DNAJC7: variants seen among roughly 807,000 people sequenced by gnomAD.
DNAJC7 encodes the protein DnaJ heat shock protein family (Hsp40) member C7, also known as dnaJ homolog subfamily C member 7.
DNAJC7 carries 18 observed loss-of-function variants against 67.4 expected under a neutral mutation model. That is an observed-to-expected ratio of 0.27 (90% CI 0.18 to 0.40). The LOEUF is 0.40. DNAJC7 is among the 10% of genes least tolerant of loss of function. The probability of loss-of-function intolerance (pLI) is 1.00; values close to 1 mark genes in which losing one functional copy is unlikely to be tolerated. For synonymous variants in DNAJC7, 220 were observed against 207.8 expected, an observed-to-expected ratio of 1.06 and a Z score of -0.50; for missense variants, 419 against 613.8, an observed-to-expected ratio of 0.68 and a Z score of 3.35.
intron 2 of DNAJC7, among the ~76,000 whole-genome samples, chr17:41,998,799 C>A (rs2051727427): frequency 6.6e-6 from 1 of 152,156 alleles, no homozygotes; most frequent in Admixed American, 6.5e-5. Flanking sequence ...TTGACAATGA[C>A]TGAAATGTAT....
intron 5 of DNAJC7, among the ~76,000 whole-genome samples, chr17:41,992,258 T>G (rs2051528597): frequency 6.6e-6 from 1 of 152,168 alleles, no homozygotes; most frequent in Non-Finnish European, 1.5e-5. Flanking sequence ...CTGCAACCTC[T>G]GCCTCCCGGG....
chr17:42,005,033 A>C (rs2051909672), intron 1 of DNAJC7, among the ~76,000 whole-genome samples: 1 of 152,190 alleles, frequency 6.6e-6, no homozygotes, highest in South Asian at 2.1e-4. Context: ...AAAAAAACAA[A>C]ACCACCCACC....
At chr17:41,999,031 A>T (rs1049225302) in intron 2 of DNAJC7, among the ~76,000 whole-genome samples, 13 of 152,058 alleles carry the variant, frequency 8.5e-5, no homozygotes, top group Non-Finnish European at 1.9e-4. Context: ...ATTTTAAAAA[A>T]TTTAAAGAGT....
intron 9 of DNAJC7, among the ~76,000 whole-genome samples, chr17:41,987,071 TG>T (rs1219030414): frequency 2.0e-5 from 3 of 152,100 alleles, no homozygotes; most frequent in African/African-American, 7.2e-5. Flanking sequence ...TCAGAAGAGA[TG>T]GATTTCTGAG....
chr17:41,977,281 G>A lies in DNAJC7; in HGVS notation c.1427C>T (p.Pro476Leu). The A allele has an allele frequency of 6.3e-7, 1 of 1,584,892 alleles. No homozygotes were observed. The highest frequency in any genetic ancestry group is 8.6e-7 in the Non-Finnish European group (1 of 1,165,662). The change falls in exon 13 of 14, where the codon CCT becomes CTT. Residue 476 changes from proline (P) to leucine (L), a missense_variant. Around this residue, in one of 4 missense-constraint regions of DNAJC7, gnomAD observed 161 missense variants for 252.2 expected, o/e 0.64. Transcript: ENST00000457167. The part of the protein sequence containing the change: ...NNIFKAFFGG[P>L]GGFSFEASGP... ...CCTACCTTCAAAGCTGAAGCCGCCA[G>A]GACCGCCAAAGAATGCCTTGAAGAT...
intron 12 of DNAJC7, among the ~76,000 whole-genome samples, chr17:41,979,433 AG>A (rs1289050543): frequency 6.6e-6 from 1 of 152,040 alleles, no homozygotes; most frequent in African/African-American, 2.4e-5. Context: ...GCACTTTGGG[AG>A]GCCAAGGCCA....
chr17:42,017,126 C>A, intron 1 of DNAJC7: 3 of 1,467,882 alleles, frequency 2.0e-6, no homozygotes, highest in Non-Finnish European at 2.7e-6. Flanking sequence ...CAAGGCCATG[C>A]CTCAGCTCCT....
At chr17:41,995,416 A>T (rs1241116233) in intron 4 of DNAJC7, among the ~76,000 whole-genome samples, 2 of 152,218 alleles carry the variant, frequency 1.3e-5, no homozygotes, top group Non-Finnish European at 2.9e-5. Context: ...ATTCTCACTG[A>T]AATGCATCTA....
At chr17:42,012,388 C>A (rs1048258658) in intron 1 of DNAJC7, among the ~76,000 whole-genome samples, 1 of 152,184 alleles carries the variant, frequency 6.6e-6, no homozygotes, top group Non-Finnish European at 1.5e-5. Context: ...GAGGCTGAGG[C>A]AGGAGAATCA....
intron 4 of DNAJC7, among the ~76,000 whole-genome samples, chr17:41,996,063 T>G (rs1435203650): frequency 6.6e-6 from 1 of 152,228 alleles, no homozygotes; most frequent in Non-Finnish European, 1.5e-5. Flanking sequence ...CTGGAAGCAT[T>G]TGCCTATTCC....
intron 12 of DNAJC7, among the ~76,000 whole-genome samples, chr17:41,980,652 C>T (rs1218548850): frequency 2.0e-5 from 3 of 151,032 alleles, no homozygotes; most frequent in Admixed American, 2.0e-4. Flanking sequence ...CCCGCCTTGG[C>T]TTCCCAAAGT....
intron 5 of DNAJC7, among the ~76,000 whole-genome samples, chr17:41,993,209 C>T (rs1406648540): frequency 6.6e-6 from 1 of 152,198 alleles, no homozygotes; most frequent in Admixed American, 6.5e-5. Context: ...CCTGTAATCC[C>T]AGCACTTTGG....
At chr17:42,007,476 T>C (rs2051997256) in intron 1 of DNAJC7, among the ~76,000 whole-genome samples, 1 of 152,158 alleles carries the variant, frequency 6.6e-6, no homozygotes, top group Non-Finnish European at 1.5e-5. Context: ...GGAGCCTAAC[T>C]TCTATTCCAT....
At chr17:42,015,170 G>C (rs972306527) in intron 1 of DNAJC7, 1 of 151,810 alleles carries the variant, frequency 6.6e-6, no homozygotes, top group Non-Finnish European at 1.5e-5. Context: ...AGTAGAGACA[G>C]GGTTCTGCCA....
intron 9 of DNAJC7, among the ~76,000 whole-genome samples, chr17:41,983,918 A>G (rs2051311724): frequency 6.6e-6 from 1 of 152,264 alleles, no homozygotes; most frequent in Non-Finnish European, 1.5e-5. Flanking sequence ...ACACACAGCC[A>G]CCTAAGAGGT....
At chr17:41,977,421 T>C in intron 12 of DNAJC7, 98 bp from the exon 13 acceptor site, 1 of 1,123,864 alleles carries the variant, frequency 8.9e-7, no homozygotes, top group Non-Finnish European at 1.3e-6. Flanking sequence ...CTCCAAAGCT[T>C]TCCTGGAGAG....
In DNAJC7 at chr17:41,996,294, C is replaced by A; in HGVS notation, c.405+17G>T. ...ACCATACTGCCTCTTTTGACAGAAA[C>A]AGGATCAGACCCGTACCTCTTGTTG... On this transcript the variant is annotated intron_variant, in intron 4 of 13. Coordinates refer to ENST00000457167, the MANE Select transcript of DNAJC7 (RefSeq NM_003315.4). 2 of 1,611,794 alleles carry A rather than the reference C, an allele frequency of 1.2e-6. No individual in the cohort carries two copies. Among genetic ancestry groups the A allele is most frequent in the Non-Finnish European group, 8.5e-7 (1 of 1,178,746 alleles).
At chr17:41,996,858 A>T (rs543781132) in intron 3 of DNAJC7, among the ~76,000 whole-genome samples, 1 of 152,334 alleles carries the variant, frequency 6.6e-6, no homozygotes, top group South Asian at 2.1e-4. Flanking sequence ...AACCTGGGCA[A>T]TGTGCCCTCC....
At chr17:42,016,969 G>A (rs1459974236) in intron 1 of DNAJC7, 12 of 1,222,362 alleles carry the variant, frequency 9.8e-6, no homozygotes, top group Non-Finnish European at 1.2e-5. Context: ...ATGCACAGAA[G>A]TTAACAAGAG....
Sources: allele counts gnomAD v4.1 joint callset (sites outside exome capture counted in the v4.1 genomes callset), GRCh38; gene constraint gnomAD v4.1.1; regional missense constraint gnomAD v4.1.1; transcripts MANE v1.5; gene names NCBI Gene and HGNC (gene_info 2026-07-23, HGNC 2026-07-21).